SIMC1: variants seen among roughly 807,000 people sequenced by gnomAD.
SIMC1 encodes SUMO-interacting motif-containing protein 1.
SIMC1 carries 55 observed loss-of-function variants against 82.3 expected under a neutral mutation model. The ratio of observed to expected loss-of-function variants is 0.67; its 90% CI spans 0.54 to 0.84. SIMC1 has a LOEUF of 0.84. Ranked by LOEUF, SIMC1 falls within the 40% of genes least tolerant of loss-of-function variation. The pLI, the probability that SIMC1 is intolerant of heterozygous loss-of-function variation, is 0.00. For missense variants in SIMC1, 915 were observed against 1,107.2 expected (o/e 0.83, Z 2.46); for synonymous variants, 353 against 426.3 (o/e 0.83, Z 2.12).
intron 1 of SIMC1, among the ~76,000 whole-genome samples, chr5:176,259,773 A>G (rs574244413): frequency 0.011 from 1,631 of 150,932 alleles, 17 homozygotes; most frequent in Non-Finnish European, 0.017. Flanking sequence ...ACTCTATCTC[A>G]AAAATAATAA....
At chr5:176,339,836 T>C (rs1232704436) in intron 9 of SIMC1, among the ~76,000 whole-genome samples, 1 of 152,190 alleles carries the variant, frequency 6.6e-6, no homozygotes, top group Non-Finnish European at 1.5e-5. Flanking sequence ...ACTAGTAGTT[T>C]GAAAACATTG....
intron 1 of SIMC1, among the ~76,000 whole-genome samples, chr5:176,250,225 C>T (rs1345665604): frequency 1.3e-5 from 2 of 152,076 alleles, no homozygotes; most frequent in Non-Finnish European, 2.9e-5. Context: ...GTTATTTACC[C>T]AGTAGTTATT....
At chr5:176,287,139 A>G (rs1763326374) in intron 1 of SIMC1, among the ~76,000 whole-genome samples, 1 of 152,238 alleles carries the variant, frequency 6.6e-6, no homozygotes, top group Non-Finnish European at 1.5e-5. Flanking sequence ...GTATATACCC[A>G]AAGGATTATA....
intron 9 of SIMC1, among the ~76,000 whole-genome samples, chr5:176,342,425 T>C (rs185420614): frequency 5.3e-5 from 8 of 152,340 alleles, no homozygotes; most frequent in Non-Finnish European, 5.9e-5. Flanking sequence ...CATTACCTTA[T>C]GTTAGCTGAA....
At chr5:176,313,170 C>A in intron 4 of SIMC1, 1 of 704,122 alleles carries the variant, frequency 1.4e-6, no homozygotes, top group Non-Finnish European at 1.9e-6. Context: ...AATCAGCTCG[C>A]ATGACTGGAA....
At chr5:176,264,454 C>T (rs1463571167) in intron 1 of SIMC1, among the ~76,000 whole-genome samples, 2 of 152,250 alleles carry the variant, frequency 1.3e-5, no homozygotes, top group African/African-American at 4.8e-5. Flanking sequence ...ACAGACTTAA[C>T]ACCACATGGA....
chr5:176,319,892 T>C (rs916895771), intron 5 of SIMC1, among the ~76,000 whole-genome samples: 4 of 152,164 alleles, frequency 2.6e-5, no homozygotes, highest in African/African-American at 9.7e-5. Flanking sequence ...CCTTGGTAGT[T>C]TATAGTCTAT....
intron 4 of SIMC1, among the ~76,000 whole-genome samples, chr5:176,303,852 T>C (rs1764151160): frequency 6.6e-6 from 1 of 152,204 alleles, no homozygotes; most frequent in Admixed American, 6.5e-5. Flanking sequence ...AAAAAGTGGA[T>C]ATCCACTTGC....
Position 176,317,947 on chromosome 5 carries a change from G to T in SIMC1, c.1889+4102G>T, listed in dbSNP as rs571783013. The stretch of plus-strand genomic sequence containing the variant: ...TGAAAATGAAAGCACACTCCACAGG[G>T]TAGGAGCAGGCCCGAGCAAGCAACT... On this transcript the variant is annotated intron_variant, in intron 5 of 9. Transcript: ENST00000429602. 3.3e-5 allele frequency among the ~76,000 whole-genome samples: 5 copies of T among 152,288 alleles called. No individual in the cohort carries two copies. In the South Asian group the frequency reaches 6.2e-4, roughly 19 times the overall value.
At position 176,295,217 on chromosome 5, in the gene SIMC1, T is replaced by G; in HGVS notation, c.1619T>G (p.Val540Gly). The G allele has an allele frequency of 6.2e-7, 1 of 1,613,366 alleles. No homozygotes were observed. The highest frequency in any genetic ancestry group is 8.5e-7 in the Non-Finnish European group (1 of 1,179,576). Residue 540 changes from valine to glycine, a missense_variant, in exon 3 of 10, where the codon GTG becomes GGG. Transcript: ENST00000429602. Reference sequence around the variant, plus strand: ...ATCTTGCTCAGTGGCTCTGAGACTGTGGATGTCCTAAAGGAGGCCTACATG... The same window carrying G: ...ATCTTGCTCAGTGGCTCTGAGACTGGGGATGTCCTAAAGGAGGCCTACATG... The part of the protein sequence containing the change: ...QKILLSGSET[V>G]DVLKEAYMLL...
At chr5:176,305,084 G>C (rs544273809) in intron 4 of SIMC1, among the ~76,000 whole-genome samples, 2 of 150,134 alleles carry the variant, frequency 1.3e-5, no homozygotes, top group African/African-American at 2.5e-5. Flanking sequence ...CACCCCGTCC[G>C]GGAGGGAGGT....
At position 176,290,074 on chromosome 5, in the gene SIMC1, T is replaced by A. The variant is rs749037655; in HGVS notation, c.550T>A (p.Ser184Thr). Reference sequence around the variant, plus strand: ...TCTACAGCTGTCTTCAGATGTTAGCTCCCTCTCCCCAACAAGCAATAATAG... The same window carrying A: ...TCTACAGCTGTCTTCAGATGTTAGCACCCTCTCCCCAACAAGCAATAATAG... ...ASLQLSSDVSSLSPTSNNSRS... is the reference protein window; with the variant it reads ...ASLQLSSDVSTLSPTSNNSRS... The change falls in exon 2 of 10, where the codon TCC becomes ACC. Residue 184 changes from serine to threonine, a missense_variant. By Grantham distance (58) the Ser-to-Thr change is moderately conservative. This residue lies in a region of SIMC1 where 902 missense variants were observed against 1,040.3 expected (regional missense o/e 0.87). Transcript: ENST00000429602. 6.2e-7 allele frequency: 1 copy of A among 1,608,332 alleles called. No homozygotes were observed. Among genetic ancestry groups the A allele is most frequent in the South Asian group, 1.1e-5 (1 of 90,494 alleles).
chr5:176,249,223 G>A (rs1413612713), intron 1 of SIMC1, among the ~76,000 whole-genome samples: 1 of 151,950 alleles, frequency 6.6e-6, no homozygotes. Flanking sequence ...CTGTGAATCC[G>A]TCTGGTCCTG....
At chr5:176,269,294 G>A (rs1581232412) in intron 1 of SIMC1, among the ~76,000 whole-genome samples, 2 of 152,062 alleles carry the variant, frequency 1.3e-5, no homozygotes, top group South Asian at 2.1e-4. Flanking sequence ...ATTGATCAGG[G>A]ATTTAAAAAA....
intron 4 of SIMC1, among the ~76,000 whole-genome samples, chr5:176,304,056 A>G (rs537804018): frequency 1.3e-5 from 2 of 152,330 alleles, no homozygotes; most frequent in South Asian, 2.1e-4. Context: ...GACAAATAAT[A>G]CTGCATCAAA....
chr5:176,287,543 T>C (rs537377244), intron 1 of SIMC1, among the ~76,000 whole-genome samples: 1 of 152,268 alleles, frequency 6.6e-6, no homozygotes, highest in African/African-American at 2.4e-5. Context: ...GACGACTTAA[T>C]GGTTGCAGCA....
At chr5:176,309,046 T>G in intron 4 of SIMC1, 1 of 761,992 alleles carries the variant, frequency 1.3e-6, no homozygotes. Context: ...GATGAAAATA[T>G]CCAGTGTAAA....
chr5:176,252,540 T>A (rs1761708919), intron 1 of SIMC1, among the ~76,000 whole-genome samples: 1 of 129,908 alleles, frequency 7.7e-6, no homozygotes, highest in African/African-American at 3.0e-5. Context: ...TCTCAGACGA[T>A]GGGCGGCCGG....
At chr5:176,282,225 C>T (rs1267708445) in intron 1 of SIMC1, among the ~76,000 whole-genome samples, 2 of 152,246 alleles carry the variant, frequency 1.3e-5, no homozygotes, top group Non-Finnish European at 2.9e-5. Flanking sequence ...GGGCGTAGGA[C>T]CCTCCAAGCC....
Sources: gnomAD v4.1 joint callset for allele counts (sites outside exome capture counted in the v4.1 genomes callset) on GRCh38, gnomAD v4.1.1 for gene constraint, gnomAD v4.1.1 regional missense constraint, MANE v1.5 for transcripts, NCBI Gene and HGNC (gene_info 2026-07-23, HGNC 2026-07-21) for gene names.